The following CYTH3 variants were observed in gnomAD, a reference collection of about 807,000 sequenced individuals.
The protein encoded by CYTH3 is cytohesin 3.
Under a neutral mutation model 55.1 loss-of-function variants are expected in CYTH3, and 23 were observed. That is an observed-to-expected ratio of 0.42 (90% confidence interval 0.30 to 0.59). The LOEUF is 0.59. CYTH3 is among the 20% of genes least tolerant of loss of function. The pLI, the probability that CYTH3 is intolerant of heterozygous loss-of-function variation, is 0.20. For missense variants in CYTH3, 413 were observed against 524.8 expected, an observed-to-expected ratio of 0.79 and a Z score of 2.08; for synonymous variants, 249 against 194.9, an observed-to-expected ratio of 1.28 and a Z score of -2.31.
rs532586053 is a variant in CYTH3 at position 6,162,104 on chromosome 7, G to C, written c.*2840C>G. 5 of 152,620 alleles carry C rather than the reference G, an allele frequency of 3.3e-5. No individual in the cohort carries two copies. Among genetic ancestry groups the C allele is most frequent in the Admixed American group, 3.3e-4 (5 of 15,284 alleles). 9.5% of individuals were successfully genotyped at this position (152,620 alleles called of 1,614,324 possible). Reference sequence around the variant, plus strand: ...ATCTGCGTTTGTAACTTTAAAAATAGGCATTGCTTTCTATGAAGCACTAAG... The same window carrying C: ...ATCTGCGTTTGTAACTTTAAAAATACGCATTGCTTTCTATGAAGCACTAAG... On this transcript the variant is annotated 3_prime_UTR_variant, in exon 13 of 13. Transcript: ENST00000350796.
At chr7:6,257,411 A>G (rs895635190) in intron 1 of CYTH3, among the ~76,000 whole-genome samples, 1 of 152,236 alleles carries the variant, frequency 6.6e-6, no homozygotes, top group Non-Finnish European at 1.5e-5. Flanking sequence ...TCCTCTCTGT[A>G]AAGAACTAAA....
intron 1 of CYTH3, among the ~76,000 whole-genome samples, chr7:6,253,489 C>A (rs577361508): frequency 2.6e-4 from 39 of 152,108 alleles, no homozygotes; most frequent in Non-Finnish European, 1.0e-4. Flanking sequence ...AATTACCAGC[C>A]TGATCCATCG....
intron 1 of CYTH3, among the ~76,000 whole-genome samples, chr7:6,244,298 C>G (rs1310137540): frequency 6.6e-6 from 1 of 152,230 alleles, no homozygotes; most frequent in Non-Finnish European, 1.5e-5. Flanking sequence ...TGACGTAACT[C>G]AACTTCGTGG....
In CYTH3 at chr7:6,259,772, T is replaced by TATATAATAAATATATATATATAA. The variant is rs1491219669; in HGVS notation, c.34+12701_34+12702insTTATATATATATATTTATTATAT. Among the ~76,000 whole-genome samples the TATATAATAAATATATATATATAA allele has an allele frequency of 2.3e-4, 7 of 30,502 alleles. 2 individuals are homozygous for TATATAATAAATATATATATATAA. In the South Asian group the frequency reaches 5.1e-3, roughly 22 times the overall value. The allele number at this position is 30,502 out of a possible 152,430, so 20.0% of individuals were successfully genotyped here. A position where few individuals can be genotyped will look rare whatever the true frequency, so the allele number is the denominator to read the frequency against. ...TATATATATATTATATATATATATATTATATATATATAATATATATATATA... is the reference window on the plus strand; with the variant it reads ...TATATATATATTATATATATATATATATATAATAAATATATATATATAATATATATATATAATATATATATATA... On this transcript the variant is annotated intron_variant, in intron 1 of 12. Transcript: ENST00000350796.
chr7:6,199,387 G>T (rs1478094768), intron 1 of CYTH3, among the ~76,000 whole-genome samples: 3 of 152,180 alleles, frequency 2.0e-5, no homozygotes, highest in Non-Finnish European at 4.4e-5. Flanking sequence ...CAGTGGTTAT[G>T]TGCCTGTAGT....
At chr7:6,272,409 C>CGGGGGGGGGGGGGGGGGG in intron 1 of CYTH3, 65 bp downstream of exon 1, 28 of 1,212,356 alleles carry the variant, frequency 2.3e-5, no homozygotes, top group African/African-American at 8.2e-5. Flanking sequence ...GCCGCGCCCT[C>CGGGGGGGGGGGGGGGGGG]GACCCCCAGC....
At chr7:6,236,636 G>A (rs1454340725) in intron 1 of CYTH3, among the ~76,000 whole-genome samples, 3 of 151,916 alleles carry the variant, frequency 2.0e-5, no homozygotes, top group African/African-American at 4.8e-5. Flanking sequence ...TCAGCTCACT[G>A]AAACCTCCAC....
intron 1 of CYTH3, among the ~76,000 whole-genome samples, chr7:6,247,759 C>T (rs1298493436): frequency 6.6e-6 from 1 of 152,146 alleles, no homozygotes; most frequent in African/African-American, 2.4e-5. Context: ...GATCCTCCCA[C>T]CTTAGCCTCT....
intron 1 of CYTH3, among the ~76,000 whole-genome samples, chr7:6,204,466 G>A (rs1232161673): frequency 6.6e-6 from 1 of 152,150 alleles, no homozygotes; most frequent in Non-Finnish European, 1.5e-5. Flanking sequence ...TTTTACACAG[G>A]CTGCTGCTCA....
In CYTH3 at chr7:6,164,979, C is replaced by T; in HGVS notation, c.1165G>A (p.Ala389Thr). The T allele has an allele frequency of 6.2e-7, 1 of 1,614,212 alleles. No homozygotes were observed. Reference protein sequence around the residue: ...ISRDPFYDMLATRKRRIANKK With the variant: ...ISRDPFYDMLTTRKRRIANKK ...TTGGCAATCCTTCGTTTCCTCGTTG[C>T]CAACATGTCATAGAAGGGATCTCTG... Residue 389 changes from alanine (A) to threonine (T), a missense_variant, in exon 13 of 13, where the codon GCA (alanine) becomes ACA (threonine). Ala to Thr is a moderately conservative substitution (Grantham distance 58). This residue lies in a region of CYTH3 where 98 missense variants were observed against 115.2 expected (regional missense o/e 0.85). Coordinates refer to ENST00000350796, the MANE Select transcript of CYTH3 (RefSeq NM_004227.4).
At chr7:6,191,083 A>C (rs1278489282) in intron 1 of CYTH3, among the ~76,000 whole-genome samples, 1 of 151,950 alleles carries the variant, frequency 6.6e-6, no homozygotes, top group African/African-American at 2.4e-5. Flanking sequence ...TTTCGGGAAA[A>C]AAAAAAAATT....
chr7:6,209,668 T>G (rs1784281074), intron 1 of CYTH3, among the ~76,000 whole-genome samples: 1 of 152,166 alleles, frequency 6.6e-6, no homozygotes. Flanking sequence ...CCATAAATAT[T>G]TATAGCAGCT....
intron 1 of CYTH3, among the ~76,000 whole-genome samples, chr7:6,193,127 C>T (rs373926314): frequency 6.6e-6 from 1 of 151,758 alleles, no homozygotes; most frequent in African/African-American, 2.4e-5. Context: ...AGCCGAGATC[C>T]CACCACTGCA....
At chr7:6,177,503 A>C (rs560411259) in intron 5 of CYTH3, among the ~76,000 whole-genome samples, 1 of 152,266 alleles carries the variant, frequency 6.6e-6, no homozygotes, top group Non-Finnish European at 1.5e-5. Flanking sequence ...TGGGCAAAAC[A>C]GAAGACGATT....
Position 6,263,997 on chromosome 7 carries a change from A to G in CYTH3, c.34+8477T>C, listed in dbSNP as rs575579609. On this transcript the variant is annotated intron_variant, in intron 1 of 12. Coordinates refer to ENST00000350796, the MANE Select transcript of CYTH3 (RefSeq NM_004227.4). ...TGCGGTTGCTCACACCTGTAATCCC[A>G]GCACTTTGGGAGGCTGAGGCCGGCA... 3.3e-4 allele frequency among the ~76,000 whole-genome samples: 50 copies of G among 152,172 alleles called. No homozygotes were observed. In the Middle Eastern group the frequency reaches 0.014, roughly 41 times the overall value.
At chr7:6,207,646 C>T (rs996591073) in intron 1 of CYTH3, among the ~76,000 whole-genome samples, 1 of 151,594 alleles carries the variant, frequency 6.6e-6, no homozygotes, top group Non-Finnish European at 1.5e-5. Flanking sequence ...GAGACTCCAT[C>T]TCAAAAAACA....
chr7:6,182,256 G>C lies in CYTH3; in HGVS notation c.250-4315C>G, dbSNP rs112841011. ...GTAGAGATGGGGTTTCACCATGTTAGCCAAGCTGCTCTTGAACTTCTAACC... is the reference window on the plus strand; with the variant it reads ...GTAGAGATGGGGTTTCACCATGTTACCCAAGCTGCTCTTGAACTTCTAACC... On this transcript the variant is annotated intron_variant, in intron 4 of 12. Coordinates refer to ENST00000350796, the MANE Select transcript of CYTH3 (RefSeq NM_004227.4). 9.0e-3 allele frequency among the ~76,000 whole-genome samples: 1,375 copies of C among 152,226 alleles called. 8 individuals are homozygous for C. Among genetic ancestry groups the C allele is most frequent in the Non-Finnish European group, 0.015 (1,020 of 68,008 alleles).
chr7:6,164,534 C>G lies in CYTH3; in HGVS notation c.*410G>C, dbSNP rs1782928558. On this transcript the variant is annotated 3_prime_UTR_variant, in exon 13 of 13. Coordinates refer to ENST00000350796, the MANE Select transcript of CYTH3 (RefSeq NM_004227.4). Reference sequence around the variant, plus strand: ...TACTGCCCCGAGTGAATGCGTTTGGCATGGTACGAATGAGGCTCCCGTCTG... The same window carrying G: ...TACTGCCCCGAGTGAATGCGTTTGGGATGGTACGAATGAGGCTCCCGTCTG... 9.9e-6 allele frequency: 2 copies of G among 201,784 alleles called. No individual in the cohort carries two copies. Among genetic ancestry groups the G allele is most frequent in the Admixed American group, 1.1e-4 (2 of 17,924 alleles). The allele number at this position is 201,784 out of a possible 1,614,324, so 12.5% of individuals were successfully genotyped here.
At chr7:6,243,218 G>A (rs370343524) in intron 1 of CYTH3, among the ~76,000 whole-genome samples, 28 of 152,324 alleles carry the variant, frequency 1.8e-4, no homozygotes, top group Non-Finnish European at 3.1e-4. Context: ...GCATAAGAGC[G>A]CAAACTGCCC....
Sources: allele counts gnomAD v4.1 joint callset (sites outside exome capture counted in the v4.1 genomes callset), GRCh38; gene constraint gnomAD v4.1.1; regional missense constraint gnomAD v4.1.1; transcripts MANE v1.5; gene names NCBI Gene and HGNC (gene_info 2026-07-23, HGNC 2026-07-21).